USP50: variants seen among roughly 807,000 people sequenced by gnomAD.
USP50 encodes ubiquitin carboxyl-terminal hydrolase 50.
In USP50, 37 loss-of-function variants were observed where a neutral mutation model predicts 39.2. That is an observed-to-expected ratio of 0.94 (90% CI 0.73 to 1.24). USP50 has a LOEUF of 1.24. Ranked by LOEUF, USP50 falls within the 50% of genes most tolerant of loss-of-function variation. The pLI, the probability that USP50 is intolerant of heterozygous loss-of-function variation, is 0.00. For missense variants in USP50, 374 were observed against 398.2 expected, an observed-to-expected ratio of 0.94 and a Z score of 0.52; for synonymous variants, 139 against 144.5, an observed-to-expected ratio of 0.96 and a Z score of 0.27.
intron 6 of USP50, among the ~76,000 whole-genome samples, chr15:50,518,432 C>T (rs184002351): frequency 1.3e-5 from 2 of 151,690 alleles, no homozygotes; most frequent in Non-Finnish European, 2.9e-5. Flanking sequence ...ACCGCAGTCT[C>T]GATCTCCTGA....
In USP50 at chr15:50,506,033, G is replaced by A. The variant is rs181948015; in HGVS notation, c.937-5196C>T. The A allele has an allele frequency of 9.3e-4, 141 of 152,294 alleles. 1 individual carries two copies. Among genetic ancestry groups the A allele is most frequent in the Middle Eastern group, 3.4e-3 (1 of 294 alleles). The allele number at this position is 152,294 out of a possible 1,614,324, so 9.4% of individuals were successfully genotyped here. ...GTTCTAAGAGCTTTCCATTTCTTTG[G>A]GAGCAGAGTATAAAGATCTTGATTA... On this transcript the variant is annotated intron_variant, in intron 6 of 6. Coordinates refer to ENST00000532404, the MANE Select transcript of USP50 (RefSeq NM_203494.5).
At chr15:50,495,481 AT>A (rs141692798) in intron 1 of USP50, among the ~76,000 whole-genome samples, 22,536 of 132,808 alleles carry the variant, frequency 0.17, 2,380 homozygotes, top group Middle Eastern at 0.32. Flanking sequence ...TTTAGTAGAG[AT>A]TGGAGGGGGG....
At chr15:50,512,408 G>A (rs537061299) in intron 6 of USP50, 1 of 152,222 alleles carries the variant, frequency 6.6e-6, no homozygotes, top group East Asian at 1.9e-4. Context: ...GAGAAGGAAC[G>A]GGTTACAGGG....
chr15:50,506,464 T>C (rs910720299), intron 6 of USP50: 1 of 151,712 alleles, frequency 6.6e-6, no homozygotes, highest in Non-Finnish European at 1.5e-5. Context: ...CCGGCCCCCA[T>C]CCATGGGAAA....
At chr15:50,535,838 A>T (rs889363742) in intron 5 of USP50, among the ~76,000 whole-genome samples, 6 of 152,216 alleles carry the variant, frequency 3.9e-5, no homozygotes, top group African/African-American at 1.4e-4. Flanking sequence ...TGGAAAAATT[A>T]ATGAAATCTA....
At chr15:50,530,048 T>C in intron 5 of USP50, 119 bp from the exon 6 acceptor site, 1 of 1,407,336 alleles carries the variant, frequency 7.1e-7, no homozygotes. Flanking sequence ...GGCTCATGCC[T>C]GTAATCCCAC....
intron 6 of USP50, among the ~76,000 whole-genome samples, chr15:50,518,227 GT>G (rs60749263): frequency 6.2e-5 from 9 of 144,154 alleles, no homozygotes; most frequent in African/African-American, 5.1e-5. Context: ...TTCTTTTTTT[GT>G]TTTTTTTTTT....
rs764294457 is a variant in USP50, at chr15:50,541,138, A to G, written c.571T>C (p.Cys191Arg). Residue 191 changes from cysteine (C) to arginine (R), a missense_variant, in exon 4 of 7, where the codon TGT becomes CGT. Physicochemically the swap from Cys to Arg is radical, Grantham distance 180. Coordinates refer to ENST00000532404, the MANE Select transcript of USP50 (RefSeq NM_203494.5). Reference sequence around the variant, plus strand: ...TAGGTGCATTTCTCACACTTTAAACATACGATGCTATAATTGAGCTGCTCT... The same window carrying G: ...TAGGTGCATTTCTCACACTTTAAACGTACGATGCTATAATTGAGCTGCTCT... Reference protein sequence around the residue: ...FEEQLNYSIVCLKCEKCTYKN... With the variant: ...FEEQLNYSIVRLKCEKCTYKN... 15 of 1,613,952 alleles carry G rather than the reference A, an allele frequency of 9.3e-6. No individual in the cohort carries two copies. In the Admixed American group the frequency reaches 1.2e-4, roughly 13 times the overall value.
chr15:50,522,375 T>TTACAATGAAATTGAATTAGTAATA (rs2052857406), intron 6 of USP50, among the ~76,000 whole-genome samples: 2 of 152,126 alleles, frequency 1.3e-5, no homozygotes, highest in Non-Finnish European at 2.9e-5. Flanking sequence ...AATAGATCAA[T>TTACAATGAAATTGAATTAGTAATA]TACAATGAAA....
intron 6 of USP50, among the ~76,000 whole-genome samples, chr15:50,528,387 C>T (rs1230301134): frequency 6.6e-6 from 1 of 151,918 alleles, no homozygotes; most frequent in Non-Finnish European, 1.5e-5. Context: ...AGTGATCCTT[C>T]CACGTCAGCC....
intron 6 of USP50, among the ~76,000 whole-genome samples, chr15:50,523,638 T>C (rs926805000): frequency 5.3e-5 from 8 of 151,994 alleles, no homozygotes; most frequent in Non-Finnish European, 5.9e-5. Context: ...CTGAAGAAAA[T>C]GCAAATAAAT....
chr15:50,535,523 T>TAGAG (rs2052972899), intron 5 of USP50, among the ~76,000 whole-genome samples: 1 of 151,730 alleles, frequency 6.6e-6, no homozygotes, highest in African/African-American at 2.4e-5. Context: ...GGAATTAAAC[T>TAGAG]AGAAATAACA....
intron 6 of USP50, chr15:50,511,469 A>G (rs1173882532): frequency 6.6e-6 from 1 of 152,246 alleles, no homozygotes; most frequent in African/African-American, 2.4e-5. Flanking sequence ...AATCCTGTAC[A>G]TAAATGTTCA....
intron 2 of USP50, among the ~76,000 whole-genome samples, chr15:50,544,186 C>CA (rs1210482941): frequency 6.6e-6 from 1 of 151,678 alleles, no homozygotes; most frequent in Non-Finnish European, 1.5e-5. Context: ...ACTAAAAATA[C>CA]AAAAAATTAC....
At chr15:50,545,928 A>T (rs541659983) in intron 1 of USP50, among the ~76,000 whole-genome samples, 13 of 151,068 alleles carry the variant, frequency 8.6e-5, no homozygotes, top group South Asian at 8.4e-4. Context: ...CAACTGAAAA[A>T]TTTTTTTAAG....
chr15:50,516,915 A>G (rs2052808293), intron 6 of USP50, among the ~76,000 whole-genome samples: 1 of 152,184 alleles, frequency 6.6e-6, no homozygotes, highest in African/African-American at 2.4e-5. Flanking sequence ...GCACCTAAAC[A>G]TATAAAGCAA....
chr15:50,504,663 A>G (rs2052633498), intron 6 of USP50: 1 of 152,108 alleles, frequency 6.6e-6, no homozygotes, highest in Non-Finnish European at 1.5e-5. Context: ...AATTAACTTA[A>G]TGAAGATATT....
At chr15:50,499,150 C>T (rs910878526), downstream of USP50, 23 of 1,479,754 alleles carry the variant, frequency 1.6e-5, no homozygotes, top group Non-Finnish European at 2.1e-5. Context: ...TCTTGAAATG[C>T]TTATCAGGAT....
At chr15:50,510,345 A>G (rs543606257) in intron 6 of USP50, 1 of 152,274 alleles carries the variant, frequency 6.6e-6, no homozygotes, top group South Asian at 2.1e-4. Context: ...ACAGAAAAGG[A>G]CTAACTAGAA....
Sources: gnomAD v4.1 joint callset for allele counts (sites outside exome capture counted in the v4.1 genomes callset) on GRCh38, gnomAD v4.1.1 for gene constraint, MANE v1.5 for transcripts, NCBI Gene and HGNC (gene_info 2026-07-23, HGNC 2026-07-21) for gene names.